The following GMPS variants were observed in gnomAD, a reference collection of about 807,000 sequenced individuals.
The protein encoded by GMPS is guanosine monophosphate synthase.
In GMPS, 15 loss-of-function variants were observed where a neutral mutation model predicts 77.9. That is an observed-to-expected ratio of 0.19 (90% confidence interval 0.13 to 0.30). The LOEUF (loss-of-function observed/expected upper bound fraction) is 0.30, where lower values mean the gene tolerates loss of function less well. Ranked by LOEUF, GMPS falls within the 10% of genes least tolerant of loss-of-function variation. GMPS has a pLI of 1.00. For missense variants in GMPS, 590 were observed against 838.8 expected, an observed-to-expected ratio of 0.70 and a Z score of 3.66; for synonymous variants, 224 against 275.9, an observed-to-expected ratio of 0.81 and a Z score of 1.86.
At chr3:155,903,548 A>G (rs1268718329) in intron 3 of GMPS, among the ~76,000 whole-genome samples, 1 of 152,226 alleles carries the variant, frequency 6.6e-6, no homozygotes, top group Non-Finnish European at 1.5e-5. Context: ...CTCAGGTGTA[A>G]GTAATTAAGA....
chr3:155,870,993 CCAGCCCGTCCGCG>C (rs1753891030), intron 1 of GMPS, 96 bp downstream of exon 1: 2 of 1,162,736 alleles, frequency 1.7e-6, no homozygotes, highest in African/African-American at 3.2e-5. Flanking sequence ...CCCCCTTCCC[CCAGCCCGTCCGCG>C]CAGCCCTGCG....
Position 155,909,874 on chromosome 3 carries a change from C to T in GMPS, c.527-818C>T, listed in dbSNP as rs995223066. 3.4e-5 allele frequency among the ~76,000 whole-genome samples: 5 copies of T among 148,398 alleles called. No individual in the cohort carries two copies. In the South Asian group the frequency reaches 6.4e-4, roughly 19 times the overall value. On this transcript the variant is annotated intron_variant, in intron 5 of 15. Coordinates refer to ENST00000496455, the MANE Select transcript of GMPS (RefSeq NM_003875.3). ...GAAGGATCACTTGAGCCCAGGAGAT[C>T]GAGACTATAGTGAGCTATGATTACA...
rs58365650 is a variant in GMPS, at chr3:155,873,638, C to CTTTTTTTTTTTTTTTTT, written c.27+2755_27+2756insTTTTTTTTTTTTTTTTT. Among the ~76,000 whole-genome samples, 187 of 82,514 alleles carry CTTTTTTTTTTTTTTTTT rather than the reference C, an allele frequency of 2.3e-3. 48 individuals are homozygous for CTTTTTTTTTTTTTTTTT. Among genetic ancestry groups the CTTTTTTTTTTTTTTTTT allele is most frequent in the East Asian group, 3.9e-3 (10 of 2,550 alleles). 54.1% of individuals were successfully genotyped at this position (82,514 alleles called of 152,430 possible). A position where few individuals can be genotyped will look rare whatever the true frequency, so the allele number is the denominator to read the frequency against. Reference sequence around the variant, plus strand: ...TGTCGTTAGGTTACATGAGTAAGTTCTTTTTTTTTTTTTTGAGATGGAGTC... The same window carrying CTTTTTTTTTTTTTTTTT: ...TGTCGTTAGGTTACATGAGTAAGTTCTTTTTTTTTTTTTTTTTTTTTTTTTTTTTTTGAGATGGAGTC... On this transcript the variant is annotated intron_variant, in intron 1 of 15. Transcript: ENST00000496455.
At chr3:155,877,512 A>AC (rs1560034275) in intron 1 of GMPS, among the ~76,000 whole-genome samples, 1 of 151,766 alleles carries the variant, frequency 6.6e-6, no homozygotes, top group African/African-American at 2.4e-5. Flanking sequence ...CCAAAAAAAA[A>AC]CCTCTACCCT....
At chr3:155,884,318 A>G (rs6775044) in intron 1 of GMPS, among the ~76,000 whole-genome samples, 121,206 of 150,390 alleles carry the variant, frequency 0.81, 49,013 homozygotes, top group African/African-American at 0.84. Flanking sequence ...CCTGGGAGGC[A>G]GAGGTTGCAG....
chr3:155,895,521 G>A (rs1462814576), intron 2 of GMPS: 9 of 152,146 alleles, frequency 5.9e-5, no homozygotes, highest in Admixed American at 3.9e-4. Flanking sequence ...ATGTTGGCCA[G>A]TCTGGTCTTG....
upstream of GMPS, chr3:155,870,408 G>A (rs1753870611): frequency 5.7e-6 from 1 of 175,834 alleles, no homozygotes; most frequent in South Asian, 2.0e-4. Flanking sequence ...CGGTGCGAGG[G>A]CAGGAGGGGC....
In GMPS at chr3:155,937,608, C is replaced by T. The variant is rs1322113008; in HGVS notation, c.1998C>T (p.Val666=). The change falls in exon 16 of 16, where the codon GTC becomes GTT. Residue 666 remains valine, a synonymous_variant. Transcript: ENST00000496455. The stretch of plus-strand genomic sequence containing the variant: ...TTTAATAGGTGGTATTAAAGATGGT[C>T]ACTGAGATTAAGAAGATTCCTGGTA... ...EIPVEVVLKM[V]TEIKKIPGIS... 5 of 1,467,592 alleles carry T rather than the reference C, an allele frequency of 3.4e-6. No homozygotes were observed. The African/African-American group carries it at 6.9e-5, about 20-fold the overall frequency. The allele number at this position is 1,467,592 out of a possible 1,614,324, so 90.9% of individuals were successfully genotyped here. A position where few individuals can be genotyped will look rare whatever the true frequency, so the allele number is the denominator to read the frequency against.
intron 1 of GMPS, among the ~76,000 whole-genome samples, chr3:155,886,646 A>G (rs1754346761): frequency 9.9e-6 from 1 of 101,214 alleles, no homozygotes; most frequent in African/African-American, 3.7e-5. Context: ...TTTGACACAG[A>G]GTCTTGCTCT....
intron 9 of GMPS, among the ~76,000 whole-genome samples, chr3:155,917,138 T>C (rs1027690946): frequency 3.3e-5 from 5 of 152,056 alleles, no homozygotes; most frequent in African/African-American, 1.2e-4. Context: ...GAGGCCCGGC[T>C]AATTTTGTAT....
At chr3:155,876,587 A>G (rs907486340) in intron 1 of GMPS, among the ~76,000 whole-genome samples, 3 of 152,200 alleles carry the variant, frequency 2.0e-5, no homozygotes, top group Non-Finnish European at 2.9e-5. Context: ...ATCTGAGACA[A>G]ATGTTAAGCT....
intron 1 of GMPS, among the ~76,000 whole-genome samples, chr3:155,887,665 A>G (rs1560038039): frequency 6.6e-6 from 1 of 152,222 alleles, no homozygotes; most frequent in Admixed American, 6.5e-5. Flanking sequence ...TTATATGTAG[A>G]TAATTATCAA....
intron 5 of GMPS, among the ~76,000 whole-genome samples, chr3:155,908,538 T>G (rs1039945218): frequency 6.6e-6 from 1 of 152,178 alleles, no homozygotes; most frequent in Admixed American, 6.5e-5. Context: ...GTGGCAGAGA[T>G]AGAAGTTGTC....
intron 8 of GMPS, among the ~76,000 whole-genome samples, chr3:155,915,816 G>A (rs148111148): frequency 2.6e-5 from 4 of 152,328 alleles, no homozygotes; most frequent in African/African-American, 7.2e-5. Context: ...GATTACAGGC[G>A]TGAGCCACTG....
chr3:155,890,881 G>A (rs1754447552), intron 1 of GMPS, among the ~76,000 whole-genome samples: 1 of 152,056 alleles, frequency 6.6e-6, no homozygotes, highest in Non-Finnish European at 1.5e-5. Flanking sequence ...TCATTTCTTT[G>A]CTGCATTTTC....
At chr3:155,918,616 C>T (rs1361108462) in intron 9 of GMPS, among the ~76,000 whole-genome samples, 1 of 151,894 alleles carries the variant, frequency 6.6e-6, no homozygotes, top group African/African-American at 2.4e-5. Flanking sequence ...ATCCTTTGCT[C>T]CTTTTTTTAA....
Position 155,925,365 on chromosome 3 carries a change from A to C in GMPS, c.1559A>C (p.Gln520Pro), listed in dbSNP as rs1755426331. The change falls in exon 12 of 16, where the codon CAG becomes CCG. Residue 520 changes from glutamine (Q) to proline (P), a missense_variant and splice_region_variant. By Grantham distance (76) the Gln-to-Pro change is moderately conservative. Around this residue, in one of 6 missense-constraint regions of GMPS, gnomAD observed 89 missense variants for 95.9 expected, o/e 0.93. Transcript: ENST00000496455. ...CTGCCAATTAAAACTGTAGGTGTGC[A>C]GGTGAGTTGTGTGAATTCATTCACC... ...FLLPIKTVGV[Q>P]GDCRSYSYVC... The C allele has an allele frequency of 1.9e-6, 3 of 1,595,638 alleles. No individual in the cohort carries two copies. The highest frequency in any genetic ancestry group is 2.6e-6 in the Non-Finnish European group (3 of 1,172,350).
intron 1 of GMPS, among the ~76,000 whole-genome samples, chr3:155,875,036 A>T (rs1560033314): frequency 6.8e-6 from 1 of 147,828 alleles, no homozygotes; most frequent in Non-Finnish European, 1.5e-5. Flanking sequence ...CTTGTACCTC[A>T]GCCACCCGAG....
At chr3:155,886,660 A>G (rs1487941863) in intron 1 of GMPS, among the ~76,000 whole-genome samples, 5 of 112,178 alleles carry the variant, frequency 4.5e-5, no homozygotes, top group Admixed American at 2.6e-4. Context: ...TTGCTCTGTC[A>G]CCCAGGCTGG....
Sources: gnomAD v4.1 joint callset for allele counts (sites outside exome capture counted in the v4.1 genomes callset) on GRCh38, gnomAD v4.1.1 for gene constraint, gnomAD v4.1.1 regional missense constraint, MANE v1.5 for transcripts, NCBI Gene and HGNC (gene_info 2026-07-23, HGNC 2026-07-21) for gene names.